AFF3: variants seen among roughly 807,000 people sequenced by gnomAD.
AFF3 encodes the protein AF4/FMR2 family member 3.
Under a neutral mutation model 129.7 loss-of-function variants are expected in AFF3, and 32 were observed. The ratio of observed to expected loss-of-function variants is 0.25; its 90% confidence interval spans 0.19 to 0.33. The LOEUF (loss-of-function observed/expected upper bound fraction) is 0.33. Among genes scored for constraint, AFF3 ranks in the 10% least tolerant of loss-of-function variants. The pLI is 1.00. For synonymous variants in AFF3, 644 were observed against 635.4 expected, an observed-to-expected ratio of 1.01 and a Z score of -0.20; for missense variants, 1,373 against 1,592.0, an observed-to-expected ratio of 0.86 and a Z score of 2.34.
chr2:99,967,643 C>T (rs779789752), intron 7 of AFF3, among the ~76,000 whole-genome samples: 1 of 152,292 alleles, frequency 6.6e-6, no homozygotes, highest in Non-Finnish European at 1.5e-5. Flanking sequence ...CTTTGTTCAC[C>T]AGAGAAAAAA....
At chr2:100,117,274 G>C (rs1044817494) in intron 2 of AFF3, among the ~76,000 whole-genome samples, 1 of 152,088 alleles carries the variant, frequency 6.6e-6, no homozygotes, top group South Asian at 2.1e-4. Context: ...ATGCATGCTA[G>C]AATTTTTAGC....
chr2:99,927,364 T>C (rs1696325240), intron 7 of AFF3, among the ~76,000 whole-genome samples: 1 of 152,154 alleles, frequency 6.6e-6, no homozygotes, highest in African/African-American at 2.4e-5. Context: ...AAAGAAAATG[T>C]GGCACATATA....
At chr2:99,852,821 G>A (rs1690248508) in intron 7 of AFF3, among the ~76,000 whole-genome samples, 1 of 152,142 alleles carries the variant, frequency 6.6e-6, no homozygotes, top group African/African-American at 2.4e-5. Flanking sequence ...TCCTTTGGAT[G>A]GAAGTCCTAA....
In AFF3 at chr2:100,007,440, G is replaced by A; in HGVS notation, c.195C>T (p.Leu65=). The A allele has an allele frequency of 1.2e-6, 2 of 1,613,764 alleles. No homozygotes were observed. Among genetic ancestry groups the A allele is most frequent in the Non-Finnish European group, 1.7e-6 (2 of 1,179,824 alleles). The change falls in exon 6 of 25, where the codon CTC becomes CTT. Residue 65 remains leucine (L), a synonymous_variant. Coordinates refer to ENST00000672756, the MANE Select transcript of AFF3 (RefSeq NM_001386135.1). ...EPYKTNKGDE[L]SNRIQNTLGN... The stretch of plus-strand genomic sequence containing the variant: ...CTAAAGTGTTCTGGATCCGGTTGGA[G>A]AGTTCATCCCCCTTGTTAGTCTGGA...
intron 8 of AFF3, among the ~76,000 whole-genome samples, chr2:99,834,160 G>A (rs1313602227): frequency 3.9e-5 from 6 of 152,204 alleles, no homozygotes; most frequent in Middle Eastern, 3.4e-3. Context: ...TTGCCTGACT[G>A]GTTTCGTTAA....
At chr2:100,054,537 T>C (rs1686612077) in intron 4 of AFF3, among the ~76,000 whole-genome samples, 1 of 152,112 alleles carries the variant, frequency 6.6e-6, no homozygotes, top group African/African-American at 2.4e-5. Context: ...ACACTGGGTT[T>C]TCCTAGGTCT....
chr2:100,110,065 C>T (rs138961976), intron 2 of AFF3: 7 of 152,294 alleles, frequency 4.6e-5, no homozygotes, highest in East Asian at 3.9e-4. Context: ...TGGAGTGAGG[C>T]GCTCCTTGTC....
chr2:99,731,883 T>A (rs1475355553), intron 10 of AFF3, among the ~76,000 whole-genome samples: 1 of 152,228 alleles, frequency 6.6e-6, no homozygotes, highest in African/African-American at 2.4e-5. Flanking sequence ...TAAAATACTG[T>A]TAAATAGAGC....
intron 18 of AFF3, among the ~76,000 whole-genome samples, chr2:99,573,958 C>T (rs1350657404): frequency 6.6e-6 from 1 of 152,142 alleles, no homozygotes; most frequent in Non-Finnish European, 1.5e-5. Context: ...GGTGGTTTTC[C>T]AGCCAAGCAT....
intron 16 of AFF3, among the ~76,000 whole-genome samples, chr2:99,583,479 C>T (rs1428469122): frequency 4.6e-5 from 7 of 151,682 alleles, no homozygotes; most frequent in African/African-American, 1.7e-4. Context: ...ACCTCCTGGG[C>T]TCAGGCAATC....
intron 18 of AFF3, among the ~76,000 whole-genome samples, chr2:99,571,865 C>T (rs1010895023): frequency 2.0e-5 from 3 of 152,166 alleles, no homozygotes; most frequent in Non-Finnish European, 2.9e-5. Flanking sequence ...GACAGCAATA[C>T]ACAAGTCAGT....
At chr2:99,983,847 G>C (rs905704064) in intron 7 of AFF3, among the ~76,000 whole-genome samples, 1 of 152,086 alleles carries the variant, frequency 6.6e-6, no homozygotes, top group Admixed American at 6.6e-5. Context: ...GCTCCGAAAA[G>C]TGCCAGCAGA....
At chr2:99,788,727 C>A (rs1457318000) in intron 8 of AFF3, among the ~76,000 whole-genome samples, 1 of 152,164 alleles carries the variant, frequency 6.6e-6, no homozygotes, top group Non-Finnish European at 1.5e-5. Context: ...CGATAATGTC[C>A]TAGGCCTTCA....
At chr2:100,014,958 T>TTC (rs1409863442) in intron 4 of AFF3, among the ~76,000 whole-genome samples, 2 of 94,672 alleles carry the variant, frequency 2.1e-5, no homozygotes, top group African/African-American at 1.2e-4. Context: ...CAGCTAATTT[T>TTC]TTTTTTTTTT....
At chr2:100,117,008 C>T (rs1268481800) in intron 2 of AFF3, among the ~76,000 whole-genome samples, 1 of 152,140 alleles carries the variant, frequency 6.6e-6, no homozygotes, top group Non-Finnish European at 1.5e-5. Flanking sequence ...GTCAACTTTA[C>T]TGTTGTTCCG....
rs566017927 is a variant in AFF3 at position 99,718,533 on chromosome 2, T to C, written c.1091+8544A>G. 5.4e-5 allele frequency among the ~76,000 whole-genome samples: 8 copies of C among 147,460 alleles called. No individual in the cohort carries two copies. In the East Asian group the frequency reaches 1.6e-3, roughly 29 times the overall value. ...TTACTTACTGATTCTAGTACTTGTT[T>C]AGTAGTAGTCCTTAGATTCTTAGGA... On this transcript the variant is annotated intron_variant, in intron 11 of 24. Coordinates refer to ENST00000672756, the MANE Select transcript of AFF3 (RefSeq NM_001386135.1).
chr2:99,954,126 C>A (rs909988712), intron 7 of AFF3, among the ~76,000 whole-genome samples: 2 of 152,050 alleles, frequency 1.3e-5, no homozygotes, highest in African/African-American at 4.8e-5. Context: ...AAATAAGAAA[C>A]CTCAAAGAAT....
intron 2 of AFF3, among the ~76,000 whole-genome samples, chr2:100,120,886 C>T (rs1007335927): frequency 3.9e-5 from 6 of 152,170 alleles, no homozygotes; most frequent in East Asian, 1.9e-4. Context: ...GATCCTCCTG[C>T]CTCAGTCTCC....
chr2:99,900,547 C>T (rs1038271139), intron 7 of AFF3, among the ~76,000 whole-genome samples: 22 of 152,144 alleles, frequency 1.4e-4, no homozygotes, highest in African/African-American at 9.7e-5. Context: ...ATAGCGACAA[C>T]GTTTTTCAGG....
Sources: allele counts gnomAD v4.1 joint callset (sites outside exome capture counted in the v4.1 genomes callset), GRCh38; gene constraint gnomAD v4.1.1; transcripts MANE v1.5; gene names NCBI Gene and HGNC (gene_info 2026-07-23, HGNC 2026-07-21).